Variants in GARNL3 observed in about 807,000 individuals in gnomAD.
The protein encoded by GARNL3 is GTPase-activating Rap/Ran-GAP domain-like protein 3.
A neutral mutation model predicts 125.0 loss-of-function variants in GARNL3; 63 were observed. The observed-to-expected ratio is 0.50, with a 90% confidence interval of 0.41 to 0.62. The LOEUF is 0.62. Among genes scored for constraint, GARNL3 ranks in the 20% least tolerant of loss-of-function variants. GARNL3 has a pLI of 0.00. For synonymous variants in GARNL3, 439 were observed against 457.5 expected (o/e 0.96, Z 0.52); for missense variants, 994 against 1,244.0 (o/e 0.80, Z 3.02).
chr9:127,232,925 G>A (rs1326847109), intron 1 of GARNL3, among the ~76,000 whole-genome samples: 2 of 152,186 alleles, frequency 1.3e-5, no homozygotes, highest in African/African-American at 4.8e-5. Flanking sequence ...AATAATTCTA[G>A]CATATGACTT....
At chr9:127,331,720 C>CTTTTTTTCTTTTTT (rs1829256500) in intron 7 of GARNL3, among the ~76,000 whole-genome samples, 1 of 74,416 alleles carries the variant, frequency 1.3e-5, no homozygotes, top group Non-Finnish European at 2.5e-5. Flanking sequence ...CTTGGGCTTG[C>CTTTTTTTCTTTTTT]TTTTTTTTTT....
intron 10 of GARNL3, 69 bp from the exon 11 acceptor site, chr9:127,336,058 GT>G (rs988563684): frequency 2.6e-6 from 3 of 1,160,646 alleles, no homozygotes; most frequent in Non-Finnish European, 3.8e-6. Flanking sequence ...ATTGGGTTAT[GT>G]TTTTTTAACT....
intron 7 of GARNL3, among the ~76,000 whole-genome samples, chr9:127,331,847 T>C (rs1029463271): frequency 4.0e-5 from 6 of 151,272 alleles, no homozygotes; most frequent in African/African-American, 1.5e-4. Context: ...GAGTCCACAA[T>C]ATATCAGCCT....
chr9:127,340,108 G>C (rs558248468), intron 13 of GARNL3, among the ~76,000 whole-genome samples: 19 of 152,264 alleles, frequency 1.2e-4, no homozygotes, highest in African/African-American at 4.6e-4. Context: ...GGGAAAGAGT[G>C]GTTGTGGGTA....
intron 27 of GARNL3, among the ~76,000 whole-genome samples, chr9:127,391,533 A>AAAAAAAAAAAAAAAATATATATATAT: frequency 1.2e-4 from 9 of 75,862 alleles, no homozygotes; most frequent in East Asian, 3.9e-4. Context: ...ACAAAAAAAA[A>AAAAAAAAAAAAAAAATATATATATAT]ATATATATAT....
intron 6 of GARNL3, among the ~76,000 whole-genome samples, chr9:127,322,342 A>G (rs998792680): frequency 6.6e-6 from 1 of 151,940 alleles, no homozygotes; most frequent in Non-Finnish European, 1.5e-5. Context: ...CTACTGAGCC[A>G]GTTCCCTCGG....
At chr9:127,318,450 C>T (rs975667836) in intron 5 of GARNL3, among the ~76,000 whole-genome samples, 1 of 152,188 alleles carries the variant, frequency 6.6e-6, no homozygotes, top group African/African-American at 2.4e-5. Context: ...AGGCATCTCT[C>T]CTTACTGCAT....
intron 4 of GARNL3, among the ~76,000 whole-genome samples, chr9:127,314,422 A>G (rs889367337): frequency 2.0e-5 from 3 of 152,132 alleles, no homozygotes; most frequent in Non-Finnish European, 4.4e-5. Flanking sequence ...TCTTCCCTTG[A>G]CAGATTTACA....
chr9:127,335,194 C>A, intron 9 of GARNL3, 36 bp from the exon 10 acceptor site: 1 of 1,417,642 alleles, frequency 7.1e-7, no homozygotes, highest in Admixed American at 1.7e-5. Flanking sequence ...GGCTCGAATT[C>A]TCTGTGCTCA....
intron 1 of GARNL3, among the ~76,000 whole-genome samples, chr9:127,230,593 C>T (rs913948498): frequency 3.3e-5 from 5 of 150,332 alleles, no homozygotes; most frequent in Admixed American, 6.7e-5. Flanking sequence ...GCAGAGGTTG[C>T]GGTGAGCCAA....
intron 2 of GARNL3, among the ~76,000 whole-genome samples, chr9:127,307,455 G>A (rs1243648541): frequency 6.6e-6 from 1 of 152,208 alleles, no homozygotes; most frequent in Non-Finnish European, 1.5e-5. Flanking sequence ...GACAGCTTAG[G>A]AGTTTACTCT....
chr9:127,325,454 G>A (rs1337227830), intron 7 of GARNL3, among the ~76,000 whole-genome samples: 1 of 152,086 alleles, frequency 6.6e-6, no homozygotes, highest in Non-Finnish European at 1.5e-5. Flanking sequence ...TTATTTGCAT[G>A]TTGCCATTCC....
rs551723924 is a variant in GARNL3 at position 127,241,458 on chromosome 9, G to C, written c.-28-1621G>C. 4.0e-5 allele frequency among the ~76,000 whole-genome samples: 6 copies of C among 151,878 alleles called. No homozygotes were observed. The South Asian group carries it at 1.3e-3, about 32-fold the overall frequency. ...ACTGATAACAGAACCCTGGTTTCTT[G>C]CGCTTTGTCATGAGTGGGTGACTTG... is the stretch of plus-strand genomic sequence containing the variant. On this transcript the variant is annotated intron_variant, in intron 1 of 10. Coordinates refer to the GARNL3 transcript ENST00000439286.
At chr9:127,365,038 A>G (rs977324431) in intron 21 of GARNL3, 1 of 448,506 alleles carries the variant, frequency 2.2e-6, no homozygotes, top group Admixed American at 4.0e-5. Context: ...CTCAACGGCT[A>G]TGAAAAGATG....
intron 1 of GARNL3, among the ~76,000 whole-genome samples, chr9:127,225,731 C>A (rs1436453284): frequency 6.7e-6 from 1 of 150,176 alleles, no homozygotes; most frequent in Non-Finnish European, 1.5e-5. Context: ...GGGAGCTCAC[C>A]CCTCCGTCCA....
intron 2 of GARNL3, among the ~76,000 whole-genome samples, chr9:127,255,784 G>A (rs1213065286): frequency 2.0e-5 from 3 of 152,152 alleles, no homozygotes; most frequent in African/African-American, 7.2e-5. Flanking sequence ...TAGGTCTGGG[G>A]TGGGTCCTGG....
At chr9:127,343,557 CTG>C (rs2131615616) in intron 14 of GARNL3, among the ~76,000 whole-genome samples, 1 of 152,308 alleles carries the variant, frequency 6.6e-6, no homozygotes, top group East Asian at 1.9e-4. Flanking sequence ...CCAGTAGACT[CTG>C]TGCTCCACAA....
At chr9:127,354,504 G>A (rs1395538148) in intron 19 of GARNL3, 94 bp downstream of exon 19, 1 of 707,068 alleles carries the variant, frequency 1.4e-6, no homozygotes, top group Non-Finnish European at 2.4e-6. Flanking sequence ...GTAGGAATTT[G>A]ATCTTATTAG....
intron 1 of GARNL3, among the ~76,000 whole-genome samples, chr9:127,231,123 C>T (rs1328457684): frequency 2.9e-5 from 4 of 138,036 alleles, no homozygotes; most frequent in South Asian, 4.5e-4. Context: ...GGCGCTATCT[C>T]GGCTCACTGC....
Sources: gnomAD v4.1 joint callset for allele counts (sites outside exome capture counted in the v4.1 genomes callset) on GRCh38, gnomAD v4.1.1 for gene constraint, MANE v1.5 for transcripts, NCBI Gene and HGNC (gene_info 2026-07-23, HGNC 2026-07-21) for gene names.